The following CCNK variants were observed in gnomAD, a reference collection of about 807,000 sequenced individuals.
CCNK encodes the protein cyclin K, also known as cyclin-K.
Under a neutral mutation model 65.0 loss-of-function variants are expected in CCNK, and 9 were observed. The ratio of observed to expected loss-of-function variants is 0.14; its 90% confidence interval spans 0.08 to 0.24. The LOEUF (loss-of-function observed/expected upper bound fraction) is 0.24, where lower values mean the gene tolerates loss of function less well. CCNK is among the 10% of genes least tolerant of loss of function. The pLI is 1.00. For synonymous variants in CCNK, 279 were observed against 270.8 expected (o/e 1.03, Z -0.30); for missense variants, 474 against 720.0 (o/e 0.66, Z 3.91).
intron 1 of CCNK, among the ~76,000 whole-genome samples, chr14:99,489,301 C>T (rs947619212): frequency 7.9e-5 from 12 of 151,758 alleles, no homozygotes; most frequent in Admixed American, 7.2e-4. Flanking sequence ...TATTCCACAA[C>T]ATGCAAAAAA....
intron 1 of CCNK, chr14:99,492,404 T>C (rs1262253918): frequency 5.6e-6 from 2 of 355,124 alleles, no homozygotes; most frequent in East Asian, 5.8e-5. Flanking sequence ...AATAGTCTTA[T>C]TTTTAAACTA....
chr14:99,495,595 A>C lies in CCNK; in HGVS notation c.377A>C (p.Asp126Ala). 2 of 1,611,614 alleles carry C rather than the reference A, an allele frequency of 1.2e-6. No individual in the cohort carries two copies. The highest frequency in any genetic ancestry group is 8.5e-7 in the Non-Finnish European group (1 of 1,179,148). Reference sequence around the variant, plus strand: ...AAAACAGCTCGTAGTTTATTAAATGATGTACAATTTGGCCAGTTTGGAGAT... The same window carrying C: ...AAAACAGCTCGTAGTTTATTAAATGCTGTACAATTTGGCCAGTTTGGAGAT... ...IIKTARSLLN[D>A]VQFGQFGDDP... Residue 126 changes from aspartate (D) to alanine (A), a missense_variant, in exon 4 of 11, where the codon GAT becomes GCT. Transcript: ENST00000389879.
At chr14:99,503,455 C>T (rs1368389422) in intron 8 of CCNK, 156 bp from the exon 9 acceptor site, 6 of 629,854 alleles carry the variant, frequency 9.5e-6, no homozygotes, top group African/African-American at 3.7e-5. Context: ...TGGTAGGTGC[C>T]GTGGTTTGCC....
At chr14:99,503,359 G>A (rs1896889400) in intron 8 of CCNK, 2 of 602,852 alleles carry the variant, frequency 3.3e-6, no homozygotes, top group Non-Finnish European at 5.9e-6. Flanking sequence ...GAAACTTAGT[G>A]TTTACTCAGA....
At chr14:99,506,943 A>G in intron 9 of CCNK, 133 bp from the exon 10 acceptor site, 1 of 714,734 alleles carries the variant, frequency 1.4e-6, no homozygotes, top group Non-Finnish European at 2.6e-6. Context: ...AACCTTCTTC[A>G]AGTTCCCTTA....
At chr14:99,501,170 C>T (rs760040800) in intron 5 of CCNK, 186 bp from the exon 6 acceptor site, 16 of 612,738 alleles carry the variant, frequency 2.6e-5, no homozygotes, top group African/African-American at 9.3e-5. Context: ...GGTGGTTCAG[C>T]GTAGGTCATG....
intron 8 of CCNK, chr14:99,503,268 T>C (rs909240521): frequency 1.6e-6 from 1 of 630,676 alleles, no homozygotes; most frequent in Non-Finnish European, 2.9e-6. Flanking sequence ...TGCCGTGTCC[T>C]AGCAGTGTCG....
chr14:99,487,747 A>G (rs3918051), intron 1 of CCNK, among the ~76,000 whole-genome samples: 64,211 of 152,082 alleles, frequency 0.42, 14,038 homozygotes, highest in East Asian at 0.56. Context: ...CTCTTTCTCA[A>G]CTGAATAGTG....
chr14:99,488,517 G>A (rs1046312117), intron 1 of CCNK, among the ~76,000 whole-genome samples: 4 of 152,078 alleles, frequency 2.6e-5, no homozygotes, highest in African/African-American at 7.2e-5. Flanking sequence ...CTGGAAGTTC[G>A]GTCAAAAGTT....
intron 1 of CCNK, 48 bp from the exon 2 acceptor site, chr14:99,492,578 T>C (rs1474152735): frequency 9.5e-6 from 9 of 946,814 alleles, no homozygotes; most frequent in Non-Finnish European, 1.4e-5. Flanking sequence ...CTAGATTGCT[T>C]ATAGTATGGA....
At chr14:99,501,858 C>T (rs1444183559) in intron 6 of CCNK, 1 of 232,404 alleles carries the variant, frequency 4.3e-6, no homozygotes, top group African/African-American at 2.3e-5. Context: ...GTCAGTGAAG[C>T]TTCTCTTACA....
intron 1 of CCNK, among the ~76,000 whole-genome samples, chr14:99,486,673 TGTCA>T (rs902534898): frequency 6.6e-6 from 1 of 152,250 alleles, no homozygotes. Context: ...TCACCCTCTG[TGTCA>T]GTCAAACTTG....
intron 1 of CCNK, among the ~76,000 whole-genome samples, chr14:99,484,443 CATG>C (rs1408246925): frequency 3.3e-5 from 5 of 152,072 alleles, no homozygotes; most frequent in Non-Finnish European, 5.9e-5. Flanking sequence ...AAAGAAAAAT[CATG>C]ATGAGAAAAA....
intron 6 of CCNK, 111 bp from the exon 7 acceptor site, chr14:99,502,096 A>G: frequency 8.4e-7 from 1 of 1,185,446 alleles, no homozygotes. Context: ...ACTTTAATTA[A>G]ATTTAGGGGA....
intron 2 of CCNK, chr14:99,493,216 T>G (rs902710150): frequency 2.3e-6 from 1 of 428,786 alleles, no homozygotes; most frequent in African/African-American, 2.0e-5. Context: ...CAACCTGGGC[T>G]GCAGTGAGCC....
chr14:99,487,556 A>G (rs1021390183), intron 1 of CCNK, among the ~76,000 whole-genome samples: 2 of 152,266 alleles, frequency 1.3e-5, no homozygotes, highest in African/African-American at 4.8e-5. Flanking sequence ...AACAACAGGA[A>G]TGAATCCCAT....
chr14:99,500,832 C>A lies in CCNK; in HGVS notation c.478C>A (p.Pro160Thr). ...TIKFDLQVEH[P>T]YQFLLKYAKQ... ...CAAGTTTGATTTACAGGTAGAACAT[C>A]CATACCAGTTCCTACTAAAATATGC... Residue 160 changes from proline to threonine, a missense_variant, in exon 5 of 11, where the codon CCA becomes ACA. Pro to Thr is a conservative substitution (Grantham distance 38). Transcript: ENST00000389879. The A allele has an allele frequency of 6.4e-7, 1 of 1,563,324 alleles. No individual in the cohort carries two copies. The highest frequency in any genetic ancestry group is 8.7e-7 in the Non-Finnish European group (1 of 1,152,172).
intron 9 of CCNK, 76 bp downstream of exon 9, chr14:99,503,720 T>C (rs1896901311): frequency 7.9e-7 from 1 of 1,272,426 alleles, no homozygotes. Flanking sequence ...CAACATTGTT[T>C]CTTTTCAGAT....
chr14:99,509,853 G>C, intron 10 of CCNK: 1 of 461,126 alleles, frequency 2.2e-6, no homozygotes, highest in Non-Finnish European at 3.8e-6. Context: ...CTAGGAAGAG[G>C]GGGCTGGGGC....
Sources: allele counts gnomAD v4.1 joint callset (sites outside exome capture counted in the v4.1 genomes callset), GRCh38; gene constraint gnomAD v4.1.1; transcripts MANE v1.5; gene names NCBI Gene and HGNC (gene_info 2026-07-23, HGNC 2026-07-21).